The following RBMS1 variants were observed in gnomAD, a reference collection of about 807,000 sequenced individuals.
RBMS1 encodes RNA-binding motif, single-stranded-interacting protein 1.
In RBMS1, 17 loss-of-function variants were observed where a neutral mutation model predicts 62.3. That is an observed-to-expected ratio of 0.27 (90% CI 0.19 to 0.41). The LOEUF (loss-of-function observed/expected upper bound fraction) is 0.41. RBMS1 is among the 10% of genes least tolerant of loss of function. The pLI is 1.00. For synonymous variants in RBMS1, 172 were observed against 170.0 expected (o/e 1.01, Z -0.09); for missense variants, 334 against 504.5 (o/e 0.66, Z 3.24).
At position 160,318,229 on chromosome 2, in the gene RBMS1, T is replaced by TAAAA. The variant is rs5835799; in HGVS notation, c.252-6_252-3dup. On this transcript the variant is annotated splice_polypyrimidine_tract_variant and splice_region_variant and intron_variant, in intron 2 of 13. Coordinates refer to ENST00000348849, the MANE Select transcript of RBMS1 (RefSeq NM_016836.4). ...TTTGTGGAGACTATTTTCCCATATC[T>TAAAA]AAAAAAAAAAAAAAAAAAAAAAAGG... The TAAAA allele has an allele frequency of 3.2e-4, 367 of 1,163,810 alleles. No individual in the cohort carries two copies. The highest frequency in any genetic ancestry group is 8.3e-4 in the South Asian group (41 of 49,526). The allele number at this position is 1,163,810 out of a possible 1,614,324, so 72.1% of individuals were successfully genotyped here.
chr2:160,416,973 A>C (rs975272365), intron 1 of RBMS1, among the ~76,000 whole-genome samples: 1 of 152,204 alleles, frequency 6.6e-6, no homozygotes, highest in Admixed American at 6.5e-5. Flanking sequence ...GTACTGGTCA[A>C]CTTATAAAAG....
intron 1 of RBMS1, among the ~76,000 whole-genome samples, chr2:160,389,605 G>A (rs7597089): frequency 0.02 from 3,001 of 149,518 alleles, 101 homozygotes; most frequent in African/African-American, 0.068. Context: ...GGCTGAGGCA[G>A]GAGAATCGCT....
chr2:160,301,539 G>T (rs1477843591), intron 5 of RBMS1, among the ~76,000 whole-genome samples: 3 of 152,200 alleles, frequency 2.0e-5, no homozygotes, highest in Non-Finnish European at 4.4e-5. Flanking sequence ...TTTGGATACA[G>T]AAATGATACG....
At chr2:160,442,677 C>A (rs544592704) in intron 1 of RBMS1, among the ~76,000 whole-genome samples, 10 of 152,216 alleles carry the variant, frequency 6.6e-5, no homozygotes, top group African/African-American at 1.9e-4. Flanking sequence ...TAGTGAAAGT[C>A]TTATAATTTG....
Position 160,493,731 on chromosome 2 carries a change from C to T in RBMS1, c.-368G>A. 2.9e-6 allele frequency: 1 copy of T among 344,840 alleles called. No individual in the cohort carries two copies. The allele number at this position is 344,840 out of a possible 1,614,324, so 21.4% of individuals were successfully genotyped here. On this transcript the variant is annotated 5_prime_UTR_variant, in exon 1 of 14. Transcript: ENST00000348849. ...GCCGCGGTCCGCTCGGGCGAGCCGG[C>T]TGCGCGGGGCTGAGAGGTGATCAAT... is the stretch of plus-strand genomic sequence containing the variant.
At chr2:160,330,534 A>C (rs531004004) in intron 2 of RBMS1, among the ~76,000 whole-genome samples, 1 of 152,300 alleles carries the variant, frequency 6.6e-6, no homozygotes, top group East Asian at 1.9e-4. Context: ...ACTAGGGAAA[A>C]ATAGGTCTTA....
rs775657445 is a variant in RBMS1 at position 160,275,674 on chromosome 2, T to C, written c.1184A>G (p.Asn395Ser). Residue 395 changes from asparagine (N) to serine (S), a missense_variant, in exon 13 of 14, where the codon AAT (asparagine) becomes AGT (serine). This residue lies in a region of RBMS1 where 182 missense variants were observed against 257.7 expected (regional missense o/e 0.71). Coordinates refer to ENST00000348849, the MANE Select transcript of RBMS1 (RefSeq NM_016836.4). ...GQQQVAVETSNDHSPYTFQPN... is the reference protein window; with the variant it reads ...GQQQVAVETSSDHSPYTFQPN... The stretch of plus-strand genomic sequence containing the variant: ...TTGAAAGGTATATGGAGAATGGTCA[T>C]TAGACGTCTCGACAGCCACCTGCTG... 52 of 1,613,762 alleles carry C rather than the reference T, an allele frequency of 3.2e-5. No individual in the cohort carries two copies. The highest frequency in any genetic ancestry group is 4.3e-5 in the Non-Finnish European group (51 of 1,179,808).
intron 13 of RBMS1, 114 bp downstream of exon 13, chr2:160,275,516 T>C (rs1456086990): frequency 1.3e-5 from 19 of 1,475,156 alleles, no homozygotes; most frequent in East Asian, 4.6e-5. Flanking sequence ...TTGGCCACGA[T>C]TAAAGCAGTA....
chr2:160,281,637 G>T, intron 9 of RBMS1: 1 of 314,970 alleles, frequency 3.2e-6, no homozygotes, highest in Non-Finnish European at 5.8e-6. Context: ...AAACAGACTG[G>T]GCCCCACCCT....
chr2:160,323,683 T>G (rs1420265023), intron 2 of RBMS1, among the ~76,000 whole-genome samples: 3 of 151,476 alleles, frequency 2.0e-5, no homozygotes, highest in African/African-American at 7.3e-5. Flanking sequence ...GTAACTGGGT[T>G]AGACCACAGC....
intron 2 of RBMS1, among the ~76,000 whole-genome samples, chr2:160,360,335 T>G (rs1693056077): frequency 6.6e-6 from 1 of 152,120 alleles, no homozygotes; most frequent in African/African-American, 2.4e-5. Context: ...TCCAATCCAC[T>G]CTTCCTACTT....
At chr2:160,437,140 G>A (rs572804880) in intron 1 of RBMS1, among the ~76,000 whole-genome samples, 3 of 152,104 alleles carry the variant, frequency 2.0e-5, no homozygotes, top group Non-Finnish European at 2.9e-5. Context: ...TACAGAAATA[G>A]AATAGCAAAT....
intron 1 of RBMS1, among the ~76,000 whole-genome samples, chr2:160,450,357 A>G (rs1319688520): frequency 6.6e-6 from 1 of 151,978 alleles, no homozygotes; most frequent in East Asian, 1.9e-4. Flanking sequence ...CTTGACCAAC[A>G]TGGTGAAACC....
intron 1 of RBMS1, among the ~76,000 whole-genome samples, chr2:160,370,364 G>A (rs1006996888): frequency 6.6e-6 from 1 of 152,222 alleles, no homozygotes; most frequent in African/African-American, 2.4e-5. Flanking sequence ...GCCGGGCGCA[G>A]TGGCTCACGC....
At chr2:160,325,415 T>C (rs1057171858) in intron 2 of RBMS1, among the ~76,000 whole-genome samples, 2 of 152,182 alleles carry the variant, frequency 1.3e-5, no homozygotes, top group African/African-American at 4.8e-5. Flanking sequence ...AGGTATCTAT[T>C]TGAGGGAAAT....
intron 2 of RBMS1, among the ~76,000 whole-genome samples, chr2:160,344,689 A>G (rs1692077555): frequency 1.3e-5 from 2 of 152,284 alleles, no homozygotes; most frequent in African/African-American, 4.8e-5. Flanking sequence ...ACTAAGTGTT[A>G]GCATTCAGTT....
At chr2:160,362,560 T>C (rs1438690613) in intron 2 of RBMS1, among the ~76,000 whole-genome samples, 1 of 152,142 alleles carries the variant, frequency 6.6e-6, no homozygotes, top group African/African-American at 2.4e-5. Context: ...CATTTATTGA[T>C]TAAGTCCTAT....
chr2:160,493,200 T>G (rs1685928013), intron 1 of RBMS1, 89 bp downstream of exon 1: 1 of 1,276,626 alleles, frequency 7.8e-7, no homozygotes, highest in Non-Finnish European at 1.1e-6. Flanking sequence ...TGGCGGGGGT[T>G]CGCCGCGCGC....
chr2:160,354,098 G>C (rs528960572), intron 2 of RBMS1, among the ~76,000 whole-genome samples: 2 of 152,154 alleles, frequency 1.3e-5, no homozygotes, highest in African/African-American at 4.8e-5. Context: ...TCTGACTCCT[G>C]AATCTATAGA....
Sources: gnomAD v4.1 joint callset for allele counts (sites outside exome capture counted in the v4.1 genomes callset) on GRCh38, gnomAD v4.1.1 for gene constraint, gnomAD v4.1.1 regional missense constraint, MANE v1.5 for transcripts, NCBI Gene and HGNC (gene_info 2026-07-23, HGNC 2026-07-21) for gene names.